GMDS: variants seen among roughly 807,000 people sequenced by gnomAD.
The protein encoded by GMDS is GDP-mannose 4,6-dehydratase.
GMDS carries 20 observed loss-of-function variants against 49.9 expected under a neutral mutation model. That is an observed-to-expected ratio of 0.40 (90% CI 0.28 to 0.58). The LOEUF is 0.58. Ranked by LOEUF, GMDS falls within the 20% of genes least tolerant of loss-of-function variation. The probability of loss-of-function intolerance (pLI) is 0.42; values close to 1 mark genes in which losing one functional copy is unlikely to be tolerated. For synonymous variants in GMDS, 177 were observed against 178.6 expected, an observed-to-expected ratio of 0.99 and a Z score of 0.07; for missense variants, 362 against 481.4, an observed-to-expected ratio of 0.75 and a Z score of 2.32.
chr6:1,960,607 A>C (rs1763886850), intron 5 of GMDS, among the ~76,000 whole-genome samples, 167 bp downstream of exon 5: 1 of 152,212 alleles, frequency 6.6e-6, no homozygotes, highest in African/African-American at 2.4e-5. Flanking sequence ...GCAACGTATA[A>C]AGGTATGCTT....
At position 2,108,535 on chromosome 6, in the gene GMDS, G is replaced by A. The variant is rs111264941; in HGVS notation, c.345+7236C>T. Among the ~76,000 whole-genome samples, 820 of 152,124 alleles carry A rather than the reference G, an allele frequency of 5.4e-3. 4 individuals carry two copies. Among genetic ancestry groups the A allele is most frequent in the Non-Finnish European group, 8.4e-3 (572 of 68,002 alleles). ...CATTGCACCTGGCATTGTTGAATTT[G>A]GGGATCTTCTAGCTATTCAAATACT... On this transcript the variant is annotated intron_variant, in intron 4 of 10. Transcript: ENST00000380815.
chr6:1,989,544 C>T (rs189675900), intron 4 of GMDS, among the ~76,000 whole-genome samples: 14 of 152,316 alleles, frequency 9.2e-5, no homozygotes, highest in Admixed American at 8.5e-4. Context: ...ATTCACTCTG[C>T]AGATTTGTAA....
intron 4 of GMDS, among the ~76,000 whole-genome samples, chr6:2,065,125 G>A (rs1020882084): frequency 3.9e-5 from 6 of 152,232 alleles, no homozygotes; most frequent in Admixed American, 2.6e-4. Context: ...CCTGACCCCT[G>A]AGCAGCCTAA....
intron 9 of GMDS, among the ~76,000 whole-genome samples, chr6:1,660,483 C>T (rs1212745913): frequency 6.6e-6 from 1 of 151,882 alleles, no homozygotes; most frequent in Non-Finnish European, 1.5e-5. Context: ...ATACTGCAGA[C>T]ACGGGATGAG....
chr6:1,702,783 A>C (rs1765586977), intron 9 of GMDS, among the ~76,000 whole-genome samples: 2 of 152,208 alleles, frequency 1.3e-5, no homozygotes, highest in Non-Finnish European at 2.9e-5. Flanking sequence ...TGGATAGCAG[A>C]TAATGTCCGC....
In GMDS at chr6:1,914,466, C is replaced by CAA. The variant is rs551319674; in HGVS notation, c.771+15635_771+15636dup. Reference sequence around the variant, plus strand: ...TGGGCAACAGAGCAAGACTCTGTCTCAAAAAAAAAAAAAAGAAAAAAAAGA... The same window carrying CAA: ...TGGGCAACAGAGCAAGACTCTGTCTCAAAAAAAAAAAAAAAAGAAAAAAAAGA... On this transcript the variant is annotated intron_variant, in intron 7 of 10. Transcript: ENST00000380815. Among the ~76,000 whole-genome samples the CAA allele has an allele frequency of 4.4e-4, 46 of 104,276 alleles. 1 individual carries two copies. The South Asian group carries it at 0.01, about 24-fold the overall frequency. The allele number at this position is 104,276 out of a possible 152,430, so 68.4% of individuals were successfully genotyped here.
intron 4 of GMDS, among the ~76,000 whole-genome samples, chr6:2,065,427 G>A (rs1282772278): frequency 1.3e-5 from 2 of 152,244 alleles, no homozygotes; most frequent in South Asian, 2.1e-4. Flanking sequence ...GATGGAGAAT[G>A]ACTTTGACGA....
rs372844272 is a variant in GMDS, at chr6:1,907,071, GTCTCACAGGC to G, written c.771+23022_771+23031del. On this transcript the variant is annotated intron_variant, in intron 7 of 10. Coordinates refer to ENST00000380815, the MANE Select transcript of GMDS (RefSeq NM_001500.4). ...CAGGATTCCTTATTTTTCTGTCATTGTCTCACAGGCATATATATTTGTGTCTGCAAGCACA... is the reference window on the plus strand; with the variant it reads ...CAGGATTCCTTATTTTTCTGTCATTGATATATATTTGTGTCTGCAAGCACA... Among the ~76,000 whole-genome samples, 558 of 152,244 alleles carry G rather than the reference GTCTCACAGGC, an allele frequency of 3.7e-3. 4 individuals carry two copies. The highest frequency in any genetic ancestry group is 0.012 in the African/African-American group (507 of 41,546).
At chr6:1,838,748 T>C (rs916560600) in intron 7 of GMDS, among the ~76,000 whole-genome samples, 1 of 152,182 alleles carries the variant, frequency 6.6e-6, no homozygotes, top group African/African-American at 2.4e-5. Flanking sequence ...TGGAACAGCA[T>C]TCCAAGTGTG....
At chr6:1,762,991 T>C (rs908097651) in intron 7 of GMDS, among the ~76,000 whole-genome samples, 5 of 152,344 alleles carry the variant, frequency 3.3e-5, no homozygotes, top group Middle Eastern at 3.4e-3. Context: ...TGCTAGTGTA[T>C]GTACAAGCAG....
At chr6:1,700,845 G>A (rs1434820460) in intron 9 of GMDS, among the ~76,000 whole-genome samples, 1 of 152,052 alleles carries the variant, frequency 6.6e-6, no homozygotes, top group Non-Finnish European at 1.5e-5. Context: ...GGCCATCCCA[G>A]CCCCAGTTCT....
chr6:1,844,762 G>C (rs1380824074), intron 7 of GMDS, among the ~76,000 whole-genome samples: 1 of 152,180 alleles, frequency 6.6e-6, no homozygotes, highest in Non-Finnish European at 1.5e-5. Flanking sequence ...ATTAACAGAT[G>C]AAAGTGCATC....
At chr6:1,831,995 A>G (rs779643916) in intron 7 of GMDS, among the ~76,000 whole-genome samples, 1 of 152,114 alleles carries the variant, frequency 6.6e-6, no homozygotes, top group Non-Finnish European at 1.5e-5. Flanking sequence ...GTCTTCAGAA[A>G]TTTAATAAAT....
intron 1 of GMDS, among the ~76,000 whole-genome samples, chr6:2,202,384 C>A (rs2127577206): frequency 6.6e-6 from 1 of 151,620 alleles, no homozygotes; most frequent in Admixed American, 6.6e-5. Context: ...CATGTCCTCA[C>A]TGCACAGTCG....
Position 1,728,942 on chromosome 6 carries a change from C to T in GMDS, c.891-2430G>A, listed in dbSNP as rs111744629. On this transcript the variant is annotated intron_variant, in intron 8 of 10. Coordinates refer to ENST00000380815, the MANE Select transcript of GMDS (RefSeq NM_001500.4). Reference sequence around the variant, plus strand: ...GTAAAACCTGTCCTTACCTCCAGGACAGTAAAAAAAAAAAACAAAAAACAA... The same window carrying T: ...GTAAAACCTGTCCTTACCTCCAGGATAGTAAAAAAAAAAAACAAAAAACAA... Among the ~76,000 whole-genome samples the T allele has an allele frequency of 1.4e-4, 20 of 147,576 alleles. No individual in the cohort carries two copies. The South Asian group carries it at 3.9e-3, about 28-fold the overall frequency.
chr6:1,976,584 T>G (rs1764915394), intron 4 of GMDS, among the ~76,000 whole-genome samples: 1 of 152,162 alleles, frequency 6.6e-6, no homozygotes, highest in Non-Finnish European at 1.5e-5. Context: ...GAGAATAATT[T>G]CAATAATAAC....
At chr6:1,744,455 A>T (rs1767404161) in intron 7 of GMDS, among the ~76,000 whole-genome samples, 1 of 152,192 alleles carries the variant, frequency 6.6e-6, no homozygotes, top group African/African-American at 2.4e-5. Flanking sequence ...ATGTTATACT[A>T]CCACTACTAC....
At chr6:1,711,607 G>C (rs1289812444) in intron 9 of GMDS, among the ~76,000 whole-genome samples, 1 of 152,196 alleles carries the variant, frequency 6.6e-6, no homozygotes, top group Non-Finnish European at 1.5e-5. Flanking sequence ...TTTGTGGCCT[G>C]TGATTTTGGA....
At position 2,052,116 on chromosome 6, in the gene GMDS, C is replaced by CAAAAAAAAAAAAAAAAAA. The variant is rs1285013159; in HGVS notation, c.345+63654_345+63655insTTTTTTTTTTTTTTTTTT. Among the ~76,000 whole-genome samples the CAAAAAAAAAAAAAAAAAA allele has an allele frequency of 1.5e-3, 64 of 43,562 alleles. 2 individuals are homozygous for CAAAAAAAAAAAAAAAAAA. The highest frequency in any genetic ancestry group is 6.0e-3 in the East Asian group (7 of 1,168). The allele number at this position is 43,562 out of a possible 152,430, so 28.6% of individuals were successfully genotyped here. ...TGGGTGACAGAGCAAGACTCTGTCT[C>CAAAAAAAAAAAAAAAAAA]AAAAAAAAAAAAAAGAAAAAAAAAA... On this transcript the variant is annotated intron_variant, in intron 4 of 10. Coordinates refer to ENST00000380815, the MANE Select transcript of GMDS (RefSeq NM_001500.4).
Sources: gnomAD v4.1 joint callset for allele counts (sites outside exome capture counted in the v4.1 genomes callset) on GRCh38, gnomAD v4.1.1 for gene constraint, MANE v1.5 for transcripts, NCBI Gene and HGNC (gene_info 2026-07-23, HGNC 2026-07-21) for gene names.